MSRA: variants seen among roughly 807,000 people sequenced by gnomAD.
The protein encoded by MSRA is methionine sulfoxide reductase A.
MSRA carries 54 observed loss-of-function variants against 31.3 expected under a neutral mutation model. The ratio of observed to expected loss-of-function variants is 1.73; its 90% CI spans 1.39 to 2.17. MSRA has a LOEUF of 2.17. MSRA is among the 30% of genes most tolerant of loss of function. MSRA has a pLI of 0.00. For synonymous variants in MSRA, 169 were observed against 116.5 expected (o/e 1.45, Z -2.90); for missense variants, 507 against 300.9 (o/e 1.69, Z -5.07).
At chr8:10,341,447 T>A (rs1431379806) in intron 5 of MSRA, among the ~76,000 whole-genome samples, 1 of 152,238 alleles carries the variant, frequency 6.6e-6, no homozygotes, top group African/African-American at 2.4e-5. Context: ...AAGCCATTCA[T>A]GAAGCATCTG....
chr8:10,083,419 C>T (rs547602826), intron 1 of MSRA, among the ~76,000 whole-genome samples: 5 of 152,208 alleles, frequency 3.3e-5, no homozygotes, highest in African/African-American at 9.6e-5. Flanking sequence ...AAATTTAATC[C>T]ATCTGATTTT....
At chr8:10,298,521 G>C (rs1244769174) in intron 3 of MSRA, among the ~76,000 whole-genome samples, 2 of 152,164 alleles carry the variant, frequency 1.3e-5, no homozygotes, top group Admixed American at 6.5e-5. Flanking sequence ...AGTTTTGCGA[G>C]ATGAAAAGAG....
intron 1 of MSRA, among the ~76,000 whole-genome samples, chr8:10,079,155 G>A (rs1443464911): frequency 3.3e-5 from 5 of 152,090 alleles, no homozygotes; most frequent in Admixed American, 2.0e-4. Flanking sequence ...AGCATATGAT[G>A]TGGTACTTTT....
rs117046575 is a variant in MSRA, at chr8:10,176,538, A to G, written c.143-31295A>G. Among the ~76,000 whole-genome samples, 126 of 152,338 alleles carry G rather than the reference A, an allele frequency of 8.3e-4. 3 individuals are homozygous for G. In the East Asian group the frequency reaches 0.022, roughly 26 times the overall value. On this transcript the variant is annotated intron_variant, in intron 1 of 5. Transcript: ENST00000317173. ...TTCTTCATGGTAGGGTCCAGGGCTG[A>G]ATGCTCACACTTGTGTATCATTAGC...
rs111285750 is a variant in MSRA, at chr8:10,201,425, C to T, written c.143-6408C>T. 6.8e-3 allele frequency among the ~76,000 whole-genome samples: 1,042 copies of T among 152,296 alleles called. 19 individuals are homozygous for T. Among genetic ancestry groups the T allele is most frequent in the African/African-American group, 0.023 (973 of 41,564 alleles). On this transcript the variant is annotated intron_variant, in intron 1 of 5. Transcript: ENST00000317173. ...CTAACCAGGACTCCCAAGATGGCAGCTGCTGTTCCTGGAATCTCCAGTTAG... is the reference window on the plus strand; with the variant it reads ...CTAACCAGGACTCCCAAGATGGCAGTTGCTGTTCCTGGAATCTCCAGTTAG...
At chr8:10,159,594 T>A (rs1159919867) in intron 1 of MSRA, among the ~76,000 whole-genome samples, 1 of 152,212 alleles carries the variant, frequency 6.6e-6, no homozygotes, top group Non-Finnish European at 1.5e-5. Flanking sequence ...TTTATTGAAA[T>A]TTGTTGCAGG....
intron 1 of MSRA, among the ~76,000 whole-genome samples, chr8:10,141,643 G>T (rs1209573919): frequency 1.3e-5 from 2 of 152,012 alleles, no homozygotes; most frequent in African/African-American, 4.8e-5. Flanking sequence ...TGCAGTCAAT[G>T]CTGTAGTAGA....
chr8:10,404,690 G>T (rs1225672934), intron 5 of MSRA, among the ~76,000 whole-genome samples: 1 of 152,232 alleles, frequency 6.6e-6, no homozygotes, highest in Admixed American at 6.5e-5. Flanking sequence ...CACAAACACA[G>T]CCCGGCCCTC....
At chr8:10,298,320 A>G (rs1800653172) in intron 3 of MSRA, among the ~76,000 whole-genome samples, 1 of 152,224 alleles carries the variant, frequency 6.6e-6, no homozygotes, top group Admixed American at 6.5e-5. Context: ...GACACATGCA[A>G]CAACATGGGT....
At chr8:10,154,705 T>A (rs547145638) in intron 1 of MSRA, among the ~76,000 whole-genome samples, 2 of 152,238 alleles carry the variant, frequency 1.3e-5, no homozygotes, top group South Asian at 4.1e-4. Flanking sequence ...AAGAATAAAT[T>A]TCCATTTTAA....
chr8:10,225,165 A>C (rs138180307), intron 2 of MSRA, among the ~76,000 whole-genome samples: 1 of 152,120 alleles, frequency 6.6e-6, no homozygotes, highest in Non-Finnish European at 1.5e-5. Flanking sequence ...ACATGCATAC[A>C]ACTTCTCACC....
intron 2 of MSRA, among the ~76,000 whole-genome samples, chr8:10,227,799 A>G (rs1003578451): frequency 1.3e-5 from 2 of 152,326 alleles, no homozygotes; most frequent in East Asian, 1.9e-4. Flanking sequence ...GCTAATTGCT[A>G]TATGGTTTCT....
At chr8:10,389,740 CT>C (rs35603997) in intron 5 of MSRA, among the ~76,000 whole-genome samples, 34,119 of 109,206 alleles carry the variant, frequency 0.31, 5,108 homozygotes, top group Non-Finnish European at 0.39. Context: ...CAGAAGCTTG[CT>C]TTTTTTTTTT....
intron 3 of MSRA, chr8:10,250,633 T>C (rs1797866317): frequency 1.6e-6 from 1 of 609,756 alleles, no homozygotes; most frequent in Admixed American, 2.7e-5. Context: ...AGCAGAGGTT[T>C]CGAGCAGGAG....
intron 5 of MSRA, chr8:10,326,682 T>C (rs1282516568): frequency 6.6e-6 from 1 of 152,186 alleles, no homozygotes; most frequent in Non-Finnish European, 1.5e-5. Flanking sequence ...GATAATCTTT[T>C]CTTAGCCTCA....
chr8:10,315,314 T>A (rs533404752), intron 4 of MSRA, among the ~76,000 whole-genome samples: 1 of 152,008 alleles, frequency 6.6e-6, no homozygotes, highest in Non-Finnish European at 1.5e-5. Context: ...GCTAAAGAAA[T>A]TATTGCAAAA....
intron 1 of MSRA, among the ~76,000 whole-genome samples, chr8:10,064,723 A>T (rs924195739): frequency 6.6e-6 from 1 of 152,210 alleles, no homozygotes; most frequent in Non-Finnish European, 1.5e-5. Flanking sequence ...TAAAAAAATT[A>T]GTTTACCATT....
intron 1 of MSRA, among the ~76,000 whole-genome samples, chr8:10,153,741 C>T (rs528194351): frequency 7.9e-4 from 121 of 152,284 alleles, no homozygotes; most frequent in African/African-American, 2.7e-3. Flanking sequence ...TGTTCGCTAT[C>T]ACGTTAAGAA....
intron 5 of MSRA, among the ~76,000 whole-genome samples, chr8:10,344,974 GACA>G (rs1418154166): frequency 6.6e-6 from 1 of 152,184 alleles, no homozygotes; most frequent in Non-Finnish European, 1.5e-5. Context: ...TCATTCATGG[GACA>G]GCATTCGGTT....
Sources: allele counts gnomAD v4.1 joint callset (sites outside exome capture counted in the v4.1 genomes callset), GRCh38; gene constraint gnomAD v4.1.1; transcripts MANE v1.5; gene names NCBI Gene and HGNC (gene_info 2026-07-23, HGNC 2026-07-21).